The following GALNT13 variants were observed in gnomAD, a reference collection of about 807,000 sequenced individuals.
GALNT13 encodes polypeptide N-acetylgalactosaminyltransferase 13.
Under a neutral mutation model 64.2 loss-of-function variants are expected in GALNT13, and 28 were observed. The observed-to-expected ratio is 0.44, with a 90% CI of 0.32 to 0.60. The LOEUF (loss-of-function observed/expected upper bound fraction) is 0.60. Ranked by LOEUF, GALNT13 falls within the 20% of genes least tolerant of loss-of-function variation. The probability of loss-of-function intolerance (pLI) is 0.05; values close to 1 mark genes in which losing one functional copy is unlikely to be tolerated. For synonymous variants in GALNT13, 214 were observed against 224.6 expected, an observed-to-expected ratio of 0.95 and a Z score of 0.42; for missense variants, 577 against 669.8, an observed-to-expected ratio of 0.86 and a Z score of 1.53.
the GALNT13 span, among the ~76,000 whole-genome samples, chr2:153,611,627 G>T: frequency 6.7e-6 from 1 of 149,628 alleles, no homozygotes; most frequent in African/African-American, 2.5e-5. Flanking sequence ...TTCCCAAAGT[G>T]CTGGGATTAC....
At chr2:154,116,988 C>G (rs751134385) in intron 3 of GALNT13, among the ~76,000 whole-genome samples, 1 of 152,158 alleles carries the variant, frequency 6.6e-6, no homozygotes, top group Non-Finnish European at 1.5e-5. Context: ...GCAAGGAGAG[C>G]CTATCCAAGT....
chr2:154,012,008 T>A (rs1163724936), intron 3 of GALNT13, among the ~76,000 whole-genome samples: 1 of 152,174 alleles, frequency 6.6e-6, no homozygotes, highest in East Asian at 1.9e-4. Flanking sequence ...GGGTGTTTAT[T>A]TTTTATCCAA....
At chr2:154,051,317 T>C (rs1699597244) in intron 3 of GALNT13, among the ~76,000 whole-genome samples, 1 of 132,042 alleles carries the variant, frequency 7.6e-6, no homozygotes, top group Non-Finnish European at 1.5e-5. Context: ...GGAGTCTCGC[T>C]CTGTCGCCCA....
chr2:153,438,838 T>A, the GALNT13 span, among the ~76,000 whole-genome samples: 1 of 152,182 alleles, frequency 6.6e-6, no homozygotes, highest in African/African-American at 2.4e-5. Flanking sequence ...TCTTTCTCCA[T>A]CCAGCTTTGT....
the GALNT13 span, among the ~76,000 whole-genome samples, chr2:153,454,781 T>TA: frequency 3.9e-5 from 6 of 152,254 alleles, no homozygotes; most frequent in African/African-American, 1.4e-4. Context: ...TGAATGTATG[T>TA]ATGTGTGTGT....
the GALNT13 span, among the ~76,000 whole-genome samples, chr2:153,636,338 C>T: frequency 4.6e-5 from 7 of 151,908 alleles, no homozygotes; most frequent in African/African-American, 1.7e-4. Context: ...TAAATATGTC[C>T]CAGTGAATAG....
the GALNT13 span, among the ~76,000 whole-genome samples, chr2:153,369,183 A>G: frequency 6.6e-6 from 1 of 152,154 alleles, no homozygotes; most frequent in Non-Finnish European, 1.5e-5. Context: ...CTTAGAAAAA[A>G]CAAGTATGGA....
chr2:153,106,004 G>C, the GALNT13 span, among the ~76,000 whole-genome samples: 3,506 of 152,160 alleles, frequency 0.023, 131 homozygotes, highest in African/African-American at 0.08. Context: ...TCAAGTCTCT[G>C]TTGACATGAC....
the GALNT13 span, among the ~76,000 whole-genome samples, chr2:153,434,262 C>T: frequency 2.0e-5 from 3 of 152,142 alleles, no homozygotes; most frequent in African/African-American, 2.4e-5. Context: ...CAAGTCTTTG[C>T]TATTGTGAAT....
At chr2:153,594,400 C>T in the GALNT13 span, among the ~76,000 whole-genome samples, 2 of 152,092 alleles carry the variant, frequency 1.3e-5, no homozygotes, top group African/African-American at 4.8e-5. Flanking sequence ...AACATTTTTT[C>T]TCGACTTGTC....
At chr2:153,465,257 G>A in the GALNT13 span, among the ~76,000 whole-genome samples, 1 of 151,980 alleles carries the variant, frequency 6.6e-6, no homozygotes, top group Admixed American at 6.6e-5. Flanking sequence ...CAGTATTGTT[G>A]AAAGAGATTT....
the GALNT13 span, among the ~76,000 whole-genome samples, chr2:153,506,758 G>GA: frequency 6.1e-4 from 93 of 151,946 alleles, no homozygotes; most frequent in African/African-American, 2.1e-3. Context: ...CCTTTTGCCT[G>GA]ACAGCTCTTA....
chr2:154,365,047 T>A (rs1035764201), intron 9 of GALNT13, among the ~76,000 whole-genome samples: 28 of 152,240 alleles, frequency 1.8e-4, no homozygotes, highest in African/African-American at 6.8e-4. Flanking sequence ...TAGCACCTAC[T>A]AGACAAACTA....
At chr2:153,258,423 G>T in the GALNT13 span, among the ~76,000 whole-genome samples, 2 of 131,218 alleles carry the variant, frequency 1.5e-5, no homozygotes, top group East Asian at 4.1e-4. Context: ...TCATTTTGTT[G>T]ATCTCTTGTA....
At chr2:153,662,728 T>C in the GALNT13 span, among the ~76,000 whole-genome samples, 3 of 152,212 alleles carry the variant, frequency 2.0e-5, no homozygotes. Flanking sequence ...TGATATGATT[T>C]TTTTTCTTCA....
At chr2:154,143,230 C>T (rs1452372709) in intron 4 of GALNT13, among the ~76,000 whole-genome samples, 1 of 152,136 alleles carries the variant, frequency 6.6e-6, no homozygotes, top group East Asian at 1.9e-4. Context: ...TTATGAAAAT[C>T]TAATGCAGTG....
chr2:153,434,574 T>A, the GALNT13 span, among the ~76,000 whole-genome samples: 1 of 152,232 alleles, frequency 6.6e-6, no homozygotes, highest in Non-Finnish European at 1.5e-5. Flanking sequence ...ATTTCTCTGA[T>A]GGCCAGTGAT....
At chr2:153,135,301 C>T in the GALNT13 span, among the ~76,000 whole-genome samples, 1 of 152,158 alleles carries the variant, frequency 6.6e-6, no homozygotes, top group Admixed American at 6.5e-5. Context: ...AAAAACAGAG[C>T]TTCAACATGA....
At chr2:154,297,634 G>A (rs975057447) in intron 8 of GALNT13, among the ~76,000 whole-genome samples, 1 of 152,242 alleles carries the variant, frequency 6.6e-6, no homozygotes, top group Admixed American at 6.5e-5. Context: ...AGAGATTTCT[G>A]TTGTTTAAGC....
Sources: gnomAD v4.1 joint callset for allele counts (sites outside exome capture counted in the v4.1 genomes callset) on GRCh38, gnomAD v4.1.1 for gene constraint, MANE v1.5 for transcripts, NCBI Gene and HGNC (gene_info 2026-07-23, HGNC 2026-07-21) for gene names.